ATP2C1: variants seen among roughly 807,000 people sequenced by gnomAD.
ATP2C1 encodes ATPase secretory pathway Ca2+ transporting 1, also known as calcium-transporting ATPase type 2C member 1.
A neutral mutation model predicts 120.5 loss-of-function variants in ATP2C1; 31 were observed. The observed-to-expected ratio is 0.26, with a 90% CI of 0.19 to 0.35. The LOEUF (loss-of-function observed/expected upper bound fraction) is 0.35. Among genes scored for constraint, ATP2C1 ranks in the 10% least tolerant of loss-of-function variants. The pLI is 1.00. For missense variants in ATP2C1, 731 were observed against 1,107.5 expected (o/e 0.66, Z 4.83); for synonymous variants, 351 against 358.7 (o/e 0.98, Z 0.24).
At chr3:130,909,368 A>G (rs1454725846) in intron 2 of ATP2C1, among the ~76,000 whole-genome samples, 1 of 152,164 alleles carries the variant, frequency 6.6e-6, no homozygotes, top group Non-Finnish European at 1.5e-5. Flanking sequence ...GGAGAATGTC[A>G]TGTTTCATGT....
intron 8 of ATP2C1, 26 bp downstream of exon 8, chr3:130,941,725 A>C (rs1407688934): frequency 5.9e-6 from 9 of 1,524,816 alleles, no homozygotes; most frequent in Non-Finnish European, 8.2e-6. Flanking sequence ...GATTGTAATA[A>C]GTGAAAATAC....
chr3:131,006,643 G>T (rs1361877601), downstream of ATP2C1, among the ~76,000 whole-genome samples: 1 of 50,904 alleles, frequency 2.0e-5, no homozygotes, highest in African/African-American at 3.5e-5. Flanking sequence ...GTTTGTGTGT[G>T]TGTGTGTGTG....
At chr3:130,861,609 C>G (rs2068017448) in intron 1 of ATP2C1, among the ~76,000 whole-genome samples, 3 of 152,140 alleles carry the variant, frequency 2.0e-5, no homozygotes, top group Admixed American at 2.0e-4. Flanking sequence ...ATCTCTTCCC[C>G]CAAACACCTT....
chr3:130,889,778 A>AG (rs1027663422), upstream of ATP2C1, among the ~76,000 whole-genome samples: 2 of 150,380 alleles, frequency 1.3e-5, no homozygotes, highest in African/African-American at 4.9e-5. Context: ...CCTGAGTATC[A>AG]GGGACCACAG....
At chr3:130,958,767 G>A (rs575123819) in intron 11 of ATP2C1, among the ~76,000 whole-genome samples, 1 of 152,274 alleles carries the variant, frequency 6.6e-6, no homozygotes, top group South Asian at 2.1e-4. Context: ...GGTGCTTAAC[G>A]TAAGGCACAT....
intron 7 of ATP2C1, 23 bp from the exon 8 acceptor site, chr3:130,941,568 G>T (rs1296635553): frequency 1.3e-6 from 2 of 1,591,064 alleles, no homozygotes; most frequent in African/African-American, 2.7e-5. Context: ...TTTAACCATG[G>T]TTGTTTCTAT....
chr3:130,956,504 A>G lies in ATP2C1; in HGVS notation c.832+325A>G, dbSNP rs142330209. Among the ~76,000 whole-genome samples, 10 of 152,180 alleles carry G rather than the reference A, an allele frequency of 6.6e-5. No homozygotes were observed. The East Asian group carries it at 1.9e-3, about 29-fold the overall frequency. On this transcript the variant is annotated intron_variant, in intron 11 of 27. Transcript: ENST00000510168. ...TCATAAAACTCTTGTCATTAAATTG[A>G]TGGTCACATAAAACAAACATAAAGG...
intron 5 of ATP2C1, among the ~76,000 whole-genome samples, chr3:130,935,496 G>C (rs539636531): frequency 1.3e-5 from 2 of 152,178 alleles, no homozygotes; most frequent in Non-Finnish European, 2.9e-5. Context: ...GCAAGTAAAA[G>C]CACTTATGCT....
Position 130,953,828 on chromosome 3 carries a change from A to G in ATP2C1, c.539A>G (p.Asp180Gly), listed in dbSNP as rs2060471597. The change falls in exon 9 of 28, where the codon GAT becomes GGT. Residue 180 changes from aspartate to glycine, a missense_variant. By Grantham distance (94) the Asp-to-Gly change is moderately conservative. Coordinates refer to ENST00000510168, the MANE Select transcript of ATP2C1 (RefSeq NM_001378687.1). ...TTCTTTATGTTCCCTAAGGCTGTGG[A>G]TCTTTCCATTGATGAGTCCAGCTTG... is the stretch of plus-strand genomic sequence containing the variant. Reference protein sequence around the residue: ...PADLRLFEAVDLSIDESSLTG... With the variant: ...PADLRLFEAVGLSIDESSLTG... The G allele has an allele frequency of 6.2e-7, 1 of 1,614,036 alleles. No homozygotes were observed. The highest frequency in any genetic ancestry group is 8.5e-7 in the Non-Finnish European group (1 of 1,179,960).
At chr3:130,879,455 G>C (rs1422766956) in intron 1 of ATP2C1, among the ~76,000 whole-genome samples, 1 of 151,924 alleles carries the variant, frequency 6.6e-6, no homozygotes, top group Admixed American at 6.6e-5. Flanking sequence ...TGATTTTATT[G>C]TATTGTTTAT....
chr3:130,953,867 C>T lies in ATP2C1; in HGVS notation c.578C>T (p.Thr193Met). The T allele has an allele frequency of 4.3e-6, 7 of 1,613,982 alleles. No homozygotes were observed. The highest frequency in any genetic ancestry group is 5.9e-6 in the Non-Finnish European group (7 of 1,179,928). ...IDESSLTGET[T>M]PCSKVTAPQP... ...GAGTCCAGCTTGACAGGTGAGACAA[C>T]GCCTTGTTCTAAGGTGACAGCTCCT... Residue 193 changes from threonine (T) to methionine (M), a missense_variant, in exon 9 of 28, where the codon ACG (threonine) becomes ATG (methionine). Thr to Met is a moderately conservative substitution (Grantham distance 81). Around this residue, in one of 3 missense-constraint regions of ATP2C1, gnomAD observed 571 missense variants for 845.9 expected, o/e 0.67. Coordinates refer to ENST00000510168, the MANE Select transcript of ATP2C1 (RefSeq NM_001378687.1).
intron 12 of ATP2C1, chr3:130,963,694 A>C (rs2060929560): frequency 2.4e-6 from 1 of 420,450 alleles, no homozygotes; most frequent in African/African-American, 2.0e-5. Context: ...TAGATTAGTA[A>C]GTAGCCCAGG....
At chr3:131,014,416 T>C in intron 26 of ATP2C1, 1 of 1,535,770 alleles carries the variant, frequency 6.5e-7, no homozygotes, top group Non-Finnish European at 8.7e-7. Flanking sequence ...AAGTATGTTG[T>C]TAAAGAAGTA....
At chr3:130,992,846 A>G in intron 20 of ATP2C1, 105 bp from the exon 21 acceptor site, 1 of 909,262 alleles carries the variant, frequency 1.1e-6, no homozygotes, top group Non-Finnish European at 1.8e-6. Flanking sequence ...GGCAAATTAA[A>G]TACAGCTTAA....
intron 2 of ATP2C1, among the ~76,000 whole-genome samples, chr3:130,928,735 T>G (rs1291019112): frequency 6.6e-6 from 1 of 152,180 alleles, no homozygotes; most frequent in African/African-American, 2.4e-5. Flanking sequence ...TATCCCCAGG[T>G]TATATATATG....
intron 1 of ATP2C1, among the ~76,000 whole-genome samples, chr3:130,853,481 T>G (rs2067740961): frequency 6.6e-6 from 1 of 152,176 alleles, no homozygotes; most frequent in Non-Finnish European, 1.5e-5. Context: ...TCCACATACT[T>G]GGGGAATATT....
upstream of ATP2C1, among the ~76,000 whole-genome samples, chr3:130,893,320 C>G (rs180875491): frequency 6.6e-6 from 1 of 152,180 alleles, no homozygotes; most frequent in African/African-American, 2.4e-5. Context: ...CAGCCTCTCC[C>G]CAGTTCCATA....
At chr3:130,998,025 CAT>C (rs1250670945) in intron 25 of ATP2C1, among the ~76,000 whole-genome samples, 2 of 151,766 alleles carry the variant, frequency 1.3e-5, no homozygotes, top group African/African-American at 4.8e-5. Context: ...GTCTTAAAAT[CAT>C]AGAGCCACTT....
chr3:130,965,538 G>A (rs1294361338), intron 14 of ATP2C1, among the ~76,000 whole-genome samples: 1 of 152,000 alleles, frequency 6.6e-6, no homozygotes, highest in Non-Finnish European at 1.5e-5. Flanking sequence ...GAACTGTGGC[G>A]TCTCAAAGCC....
Sources: allele counts gnomAD v4.1 joint callset (sites outside exome capture counted in the v4.1 genomes callset), GRCh38; gene constraint gnomAD v4.1.1; regional missense constraint gnomAD v4.1.1; transcripts MANE v1.5; gene names NCBI Gene and HGNC (gene_info 2026-07-23, HGNC 2026-07-21).